Variants in SLC16A8 observed in about 807,000 individuals in gnomAD.
SLC16A8 encodes the protein solute carrier family 16 member 8.
A neutral mutation model predicts 22.4 loss-of-function variants in SLC16A8; 20 were observed. The ratio of observed to expected loss-of-function variants is 0.89; its 90% CI spans 0.63 to 1.30. The LOEUF is 1.30. Ranked by LOEUF, SLC16A8 falls within the 50% of genes most tolerant of loss-of-function variation. The pLI, the probability that SLC16A8 is intolerant of heterozygous loss-of-function variation, is 0.00. For missense variants in SLC16A8, 817 were observed against 740.3 expected (o/e 1.10, Z -1.20); for synonymous variants, 393 against 358.8 (o/e 1.10, Z -1.08).
intron 3 of SLC16A8, 128 bp from the exon 4 acceptor site, chr22:38,082,160 G>T (rs775906901): frequency 1.1e-4 from 125 of 1,143,666 alleles, no homozygotes; most frequent in Non-Finnish European, 1.5e-4. Context: ...AGCTTGGAGG[G>T]GACAGGCCAA....
chr22:38,079,079 CTTGCTG>C (rs66515155), intron 5 of SLC16A8, among the ~76,000 whole-genome samples: 1,946 of 152,278 alleles, frequency 0.013, 20 homozygotes, highest in East Asian at 0.046. Context: ...GCCTCCACCT[CTTGCTG>C]TTGCCATGTA....
intron 5 of SLC16A8, among the ~76,000 whole-genome samples, chr22:38,080,009 G>A (rs2085893003): frequency 6.6e-6 from 1 of 152,204 alleles, no homozygotes; most frequent in South Asian, 2.1e-4. Context: ...CCCCATCTCA[G>A]TGCAGCCTGC....
chr22:38,081,684 G>A lies in SLC16A8; in HGVS notation c.359-5C>T. ...AGTTGAGGGCCAGGCCCAGGCCTGC[G>A]GGCGAGGCGGTGCTGTGCCGGGGTC... On this transcript the variant is annotated splice_region_variant and splice_polypyrimidine_tract_variant and intron_variant, in intron 4 of 5. Coordinates refer to ENST00000681075, the MANE Select transcript of SLC16A8 (RefSeq NM_013356.3). 4 of 1,506,192 alleles carry A rather than the reference G, an allele frequency of 2.7e-6. No individual in the cohort carries two copies. The highest frequency in any genetic ancestry group is 2.6e-6 in the Non-Finnish European group (3 of 1,132,762). 93.3% of individuals were successfully genotyped at this position (1,506,192 alleles called of 1,614,324 possible). A position where few individuals can be genotyped will look rare whatever the true frequency, so the allele number is the denominator to read the frequency against.
intron 1 of SLC16A8, among the ~76,000 whole-genome samples, chr22:38,083,601 C>T (rs933882587): frequency 4.6e-5 from 7 of 152,196 alleles, no homozygotes; most frequent in African/African-American, 1.7e-4. Context: ...CAGGTAGGAA[C>T]CTTAGCAGCA....
chr22:38,081,712 C>G, intron 4 of SLC16A8, 33 bp from the exon 5 acceptor site: 1 of 1,470,830 alleles, frequency 6.8e-7, no homozygotes, highest in Non-Finnish European at 8.9e-7. Context: ...CCGGGGTCCC[C>G]GGAGAGCCCC....
At position 38,081,296 on chromosome 22, in the gene SLC16A8, A is replaced by C. The variant is rs762266262; in HGVS notation, c.742T>G (p.Cys248Gly). 6.4e-7 allele frequency: 1 copy of C among 1,560,990 alleles called. No homozygotes were observed. The highest frequency in any genetic ancestry group is 8.7e-7 in the Non-Finnish European group (1 of 1,152,578). Residue 248 changes from cysteine to glycine, a missense_variant, in exon 5 of 6, where the codon TGC (cysteine) becomes GGC (glycine). Transcript: ENST00000681075. ...PRRRLLDLAV[C>G]TDRAFAVYAV... ...TACACGGCGAAGGCGCGGTCGGTGCACACTGCCAAGTCCAGCAGGCGCCGG... is the reference window on the plus strand; with the variant it reads ...TACACGGCGAAGGCGCGGTCGGTGCCCACTGCCAAGTCCAGCAGGCGCCGG...
At position 38,081,176 on chromosome 22, in the gene SLC16A8, C is replaced by T. The variant is rs2085911277; in HGVS notation, c.862G>A (p.Ala288Thr). The T allele has an allele frequency of 1.3e-6, 2 of 1,553,450 alleles. No individual in the cohort carries two copies. The highest frequency in any genetic ancestry group is 2.4e-5 in the East Asian group (1 of 41,266). The change falls in exon 5 of 6, where the codon GCC (alanine) becomes ACC (threonine). Residue 288 changes from alanine to threonine, a missense_variant. Transcript: ENST00000681075. ...AKDAGVPDTD[A>T]AFLLSIVGFV... Reference sequence around the variant, plus strand: ...CCCACGATGGACAGCAGGAAGGCGGCGTCGGTGTCGGGCACGCCCGCGTCC... The same window carrying T: ...CCCACGATGGACAGCAGGAAGGCGGTGTCGGTGTCGGGCACGCCCGCGTCC...
rs2085945814 is a variant in SLC16A8 at position 38,083,070 on chromosome 22, C to T, written c.-37G>A. ...AAGTCTCCTTCTCCTGCAAAGGGCG[C>T]TGAAGGACGAGGGGAGGACGACGGG... is the stretch of plus-strand genomic sequence containing the variant. On this transcript the variant is annotated 5_prime_UTR_variant, in exon 2 of 6. Coordinates refer to ENST00000681075, the MANE Select transcript of SLC16A8 (RefSeq NM_013356.3). 1.7e-6 allele frequency: 1 copy of T among 587,710 alleles called. No individual in the cohort carries two copies. Among genetic ancestry groups the T allele is most frequent in the Non-Finnish European group, 3.0e-6 (1 of 329,512 alleles). The allele number at this position is 587,710 out of a possible 1,614,324, so 36.4% of individuals were successfully genotyped here. A position where few individuals can be genotyped will look rare whatever the true frequency, so the allele number is the denominator to read the frequency against.
In SLC16A8 at chr22:38,080,733, C is replaced by G. The variant is rs573722839; in HGVS notation, c.1198+107G>C. On this transcript the variant is annotated intron_variant, in intron 5 of 5. Transcript: ENST00000681075. ...CGTGAAGGGGAGTCCACCCACCCGA[C>G]TGCCCCTTCCCCTCATCCCTGGAAG... 8.8e-5 allele frequency: 122 copies of G among 1,391,752 alleles called. 1 individual carries two copies. The South Asian group carries it at 1.8e-3, about 21-fold the overall frequency. 86.2% of individuals were successfully genotyped at this position (1,391,752 alleles called of 1,614,324 possible).
intron 5 of SLC16A8, among the ~76,000 whole-genome samples, chr22:38,079,479 T>C (rs2085888303): frequency 6.6e-6 from 1 of 152,200 alleles, no homozygotes; most frequent in Non-Finnish European, 1.5e-5. Context: ...TGGAATGTAG[T>C]GGTGCCATCT....
rs781495654 is a variant in SLC16A8 at position 38,081,540 on chromosome 22, C to T, written c.498G>A (p.Gln166=). 26 of 1,474,052 alleles carry T rather than the reference C, an allele frequency of 1.8e-5. 1 individual carries two copies. The South Asian group carries it at 2.2e-4, about 13-fold the overall frequency. 91.3% of individuals were successfully genotyped at this position (1,474,052 alleles called of 1,614,324 possible). ...FLSALSPLGQ[Q]LLERFGWRGG... is the part of the protein sequence containing the mutation. ...CGCGCCAGCCGAAGCGCTCCAGCAG[C>T]TGCTGGCCGAGCGGCGACAGCGCGG... Residue 166 remains glutamine, a synonymous_variant, in exon 5 of 6, where the codon CAG becomes CAA. Coordinates refer to ENST00000681075, the MANE Select transcript of SLC16A8 (RefSeq NM_013356.3).
intron 4 of SLC16A8, 44 bp from the exon 5 acceptor site, chr22:38,081,723 TC>T: frequency 6.8e-7 from 1 of 1,462,482 alleles, no homozygotes; most frequent in Non-Finnish European, 9.0e-7. Flanking sequence ...GGAGAGCCCC[TC>T]CCTGGCCCCC....
At position 38,083,034 on chromosome 22, in the gene SLC16A8, A is replaced by G. The variant is rs1569210685; in HGVS notation, c.-9+8T>C. 1 of 600,544 alleles carries G rather than the reference A, an allele frequency of 1.7e-6. No individual in the cohort carries two copies. The highest frequency in any genetic ancestry group is 1.9e-5 in the African/African-American group (1 of 53,718). The allele number at this position is 600,544 out of a possible 1,614,324, so 37.2% of individuals were successfully genotyped here. On this transcript the variant is annotated splice_region_variant and intron_variant, in intron 2 of 5. Transcript: ENST00000681075. ...AACCAAAAGGGGAAACGGAGGTAGG[A>G]CTCTCACCCCAAGTCTCCTTCTCCT...
chr22:38,078,937 T>C (rs1041968463), intron 5 of SLC16A8, among the ~76,000 whole-genome samples: 15 of 152,224 alleles, frequency 9.9e-5, no homozygotes, highest in African/African-American at 2.2e-4. Flanking sequence ...TTAAGTGATA[T>C]GTGGCTTCTG....
At position 38,078,204 on chromosome 22, in the gene SLC16A8, G is replaced by C. The variant is rs80206716; in HGVS notation, c.*184C>G. ...TAGCAGCTTCACTGGCGATGGGGCAGGGCCTGGCGGAACTTGGGGCACAGA... is the reference window on the plus strand; with the variant it reads ...TAGCAGCTTCACTGGCGATGGGGCACGGCCTGGCGGAACTTGGGGCACAGA... On this transcript the variant is annotated 3_prime_UTR_variant, in exon 6 of 6. Transcript: ENST00000681075. 770 of 603,568 alleles carry C rather than the reference G, an allele frequency of 1.3e-3. No individual in the cohort carries two copies. The highest frequency in any genetic ancestry group is 1.5e-3 in the Non-Finnish European group (521 of 342,698). The allele number at this position is 603,568 out of a possible 1,614,324, so 37.4% of individuals were successfully genotyped here.
At position 38,082,803 on chromosome 22, in the gene SLC16A8, G is replaced by GCGCCCAGCAC; in HGVS notation, c.61_70dup (p.Ala24GlyfsTer203). On this transcript the variant is annotated frameshift_variant, in exon 3 of 6. Transcript: ENST00000681075. LOFTEE classifies it high-confidence loss of function. ...GGCGAAGCCGGTGACCACAAAGCAG[G>GCGCCCAGCAC]CGCCCAGCACCACCCAGCCCCAGCC... The GCGCCCAGCAC allele has an allele frequency of 6.3e-7, 1 of 1,593,070 alleles. No homozygotes were observed. Among genetic ancestry groups the GCGCCCAGCAC allele is most frequent in the South Asian group, 1.1e-5 (1 of 89,034 alleles).
intron 5 of SLC16A8, among the ~76,000 whole-genome samples, chr22:38,079,942 C>T (rs2085892384): frequency 6.6e-6 from 1 of 152,188 alleles, no homozygotes; most frequent in Admixed American, 6.5e-5. Context: ...GGTGGGATGA[C>T]AGAGCTCAGT....
Position 38,078,201 on chromosome 22 carries a change from G to A in SLC16A8, c.*187C>T. 1.7e-6 allele frequency: 1 copy of A among 596,226 alleles called. No homozygotes were observed. Among genetic ancestry groups the A allele is most frequent in the Admixed American group, 3.0e-5 (1 of 33,880 alleles). 36.9% of individuals were successfully genotyped at this position (596,226 alleles called of 1,614,324 possible). ...CCATAGCAGCTTCACTGGCGATGGG[G>A]CAGGGCCTGGCGGAACTTGGGGCAC... is the stretch of plus-strand genomic sequence containing the variant. On this transcript the variant is annotated 3_prime_UTR_variant, in exon 6 of 6. Transcript: ENST00000681075.
In SLC16A8 at chr22:38,081,158, T is replaced by C. The variant is rs547777082; in HGVS notation, c.880A>G (p.Ile294Val). The C allele has an allele frequency of 3.2e-6, 5 of 1,551,336 alleles. No homozygotes were observed. In the African/African-American group the frequency reaches 4.1e-5, roughly 13 times the overall value. Residue 294 changes from isoleucine (I) to valine (V), a missense_variant, in exon 5 of 6, where the codon ATC becomes GTC. Transcript: ENST00000681075. ...GCCACGATGTCCACGAAGCCCACGA[T>C]GGACAGCAGGAAGGCGGCGTCGGTG... ...PDTDAAFLLSIVGFVDIVARP... is the reference protein window; with the variant it reads ...PDTDAAFLLSVVGFVDIVARP...
Sources: gnomAD v4.1 joint callset for allele counts (sites outside exome capture counted in the v4.1 genomes callset) on GRCh38, gnomAD v4.1.1 for gene constraint, MANE v1.5 for transcripts, NCBI Gene and HGNC (gene_info 2026-07-23, HGNC 2026-07-21) for gene names.